Variants in GRM1 observed in about 807,000 individuals in gnomAD.
GRM1 encodes metabotropic glutamate receptor 1.
In GRM1, 33 loss-of-function variants were observed where a neutral mutation model predicts 90.9. That is an observed-to-expected ratio of 0.36 (90% CI 0.28 to 0.49). GRM1 has a LOEUF of 0.49. GRM1 is among the 20% of genes least tolerant of loss of function. The pLI, the probability that GRM1 is intolerant of heterozygous loss-of-function variation, is 0.99. For synonymous variants in GRM1, 700 were observed against 613.2 expected, an observed-to-expected ratio of 1.14 and a Z score of -2.09; for missense variants, 1,190 against 1,534.3, an observed-to-expected ratio of 0.78 and a Z score of 3.75.
chr6:146,177,490 C>T (rs1778377242), intron 2 of GRM1, among the ~76,000 whole-genome samples: 1 of 151,936 alleles, frequency 6.6e-6, no homozygotes, highest in Non-Finnish European at 1.5e-5. Flanking sequence ...TTTTTATACT[C>T]AATGTTCTTA....
intron 1 of GRM1, among the ~76,000 whole-genome samples, chr6:146,135,017 C>T (rs1290501356): frequency 6.6e-6 from 1 of 152,216 alleles, no homozygotes; most frequent in Non-Finnish European, 1.5e-5. Flanking sequence ...CCTCCCTCAA[C>T]ATATGATGAT....
At chr6:146,296,795 TC>T (rs1162959248) in intron 2 of GRM1, among the ~76,000 whole-genome samples, 1 of 152,212 alleles carries the variant, frequency 6.6e-6, no homozygotes, top group Non-Finnish European at 1.5e-5. Flanking sequence ...TCTACCATAG[TC>T]CTTGGACTGA....
intron 2 of GRM1, among the ~76,000 whole-genome samples, chr6:146,187,128 G>T (rs1406541984): frequency 1.3e-5 from 2 of 152,150 alleles, no homozygotes; most frequent in Non-Finnish European, 2.9e-5. Flanking sequence ...TTTGATAAAA[G>T]ATTGGTTGAT....
chr6:146,120,928 G>A (rs1775961736), intron 1 of GRM1, among the ~76,000 whole-genome samples: 1 of 152,150 alleles, frequency 6.6e-6, no homozygotes, highest in African/African-American at 2.4e-5. Context: ...CCAGGCTTTG[G>A]TATCAGTATG....
chr6:146,194,714 A>G (rs188497710), intron 2 of GRM1, among the ~76,000 whole-genome samples: 117 of 152,266 alleles, frequency 7.7e-4, no homozygotes, highest in African/African-American at 2.7e-3. Flanking sequence ...GAAGCCGCAC[A>G]TACCTACACT....
chr6:146,131,495 G>GTA (rs1459315435), intron 1 of GRM1, among the ~76,000 whole-genome samples: 6 of 149,818 alleles, frequency 4.0e-5, no homozygotes, highest in African/African-American at 1.2e-4. Flanking sequence ...ATATGATATG[G>GTA]TATATATATA....
At chr6:146,042,136 C>T (rs1327519375) in intron 1 of GRM1, among the ~76,000 whole-genome samples, 1 of 152,014 alleles carries the variant, frequency 6.6e-6, no homozygotes, top group African/African-American at 2.4e-5. Flanking sequence ...TCAAAAGTCT[C>T]TATCTTTTAA....
chr6:146,111,388 G>A (rs1389298870), intron 1 of GRM1, among the ~76,000 whole-genome samples: 1 of 152,168 alleles, frequency 6.6e-6, no homozygotes, highest in Non-Finnish European at 1.5e-5. Flanking sequence ...TCCCAGGTGT[G>A]CACACCAATG....
At position 146,356,831 on chromosome 6, in the gene GRM1, T is replaced by A. The variant is rs376564445; in HGVS notation, c.1434-695T>A. On this transcript the variant is annotated intron_variant, in intron 4 of 7. Coordinates refer to ENST00000282753, the MANE Select transcript of GRM1 (RefSeq NM_001278064.2). ...TGGTGTGTGGTGTATAACATGATGT[T>A]TTGATATACTGTATGTATATAGTAA... is the stretch of plus-strand genomic sequence containing the variant. 1.0e-3 allele frequency among the ~76,000 whole-genome samples: 153 copies of A among 152,288 alleles called. 3 individuals are homozygous for A. In the South Asian group the frequency reaches 0.015, roughly 15 times the overall value.
intron 2 of GRM1, among the ~76,000 whole-genome samples, chr6:146,299,970 T>A (rs965885359): frequency 6.6e-6 from 1 of 152,222 alleles, no homozygotes; most frequent in Admixed American, 6.5e-5. Flanking sequence ...TTGATAAATG[T>A]CAAATGAATA....
intron 1 of GRM1, among the ~76,000 whole-genome samples, chr6:146,151,729 C>A (rs1003806804): frequency 6.6e-6 from 1 of 152,086 alleles, no homozygotes; most frequent in African/African-American, 2.4e-5. Flanking sequence ...CCATTATTTT[C>A]TCTCCTGAGA....
intron 1 of GRM1, among the ~76,000 whole-genome samples, chr6:146,152,761 CA>C (rs1198028404): frequency 2.0e-5 from 3 of 152,154 alleles, no homozygotes; most frequent in Admixed American, 6.6e-5. Flanking sequence ...AAGGGCAGAG[CA>C]CAGGGAATTT....
chr6:146,305,398 C>T (rs1783540348), intron 3 of GRM1, among the ~76,000 whole-genome samples: 1 of 152,176 alleles, frequency 6.6e-6, no homozygotes, highest in African/African-American at 2.4e-5. Flanking sequence ...TGACAGGAAA[C>T]AGCAGCACAT....
At chr6:146,355,675 C>CA (rs1284224086) in intron 4 of GRM1, among the ~76,000 whole-genome samples, 2 of 151,724 alleles carry the variant, frequency 1.3e-5, no homozygotes, top group South Asian at 4.2e-4. Context: ...AACAAACAAA[C>CA]AAACAAAAAA....
intron 2 of GRM1, among the ~76,000 whole-genome samples, chr6:146,267,702 GCTCGT>G (rs1185232840): frequency 0.051 from 4,394 of 85,772 alleles, 164 homozygotes; most frequent in East Asian, 0.13. Flanking sequence ...GCTCGGCTCG[GCTCGT>G]CTCGTCTCGT....
At chr6:146,401,199 T>A (rs918952345) in intron 7 of GRM1, among the ~76,000 whole-genome samples, 1 of 152,160 alleles carries the variant, frequency 6.6e-6, no homozygotes, top group Admixed American at 6.5e-5. Flanking sequence ...GGATTTCAAG[T>A]AAAGACATCC....
intron 1 of GRM1, among the ~76,000 whole-genome samples, chr6:146,156,375 C>T (rs939928960): frequency 5.3e-5 from 8 of 152,176 alleles, no homozygotes; most frequent in Non-Finnish European, 1.2e-4. Flanking sequence ...CACTGCACTC[C>T]AGCCTGGGCG....
chr6:146,061,189 C>T (rs770295432), intron 1 of GRM1, among the ~76,000 whole-genome samples: 4 of 152,054 alleles, frequency 2.6e-5, no homozygotes, highest in Non-Finnish European at 5.9e-5. Flanking sequence ...ACAATAGTGA[C>T]ATTCAGGATC....
chr6:146,070,810 A>G lies in GRM1; in HGVS notation c.700+40593A>G, dbSNP rs151293914. Reference sequence around the variant, plus strand: ...TCAGGAATCCACTTGAATTATCAGGAAAGACTTCTTAGCTTGGGACTTTAC... The same window carrying G: ...TCAGGAATCCACTTGAATTATCAGGGAAGACTTCTTAGCTTGGGACTTTAC... On this transcript the variant is annotated intron_variant, in intron 1 of 7. Coordinates refer to ENST00000282753, the MANE Select transcript of GRM1 (RefSeq NM_001278064.2). Among the ~76,000 whole-genome samples the G allele has an allele frequency of 3.5e-4, 54 of 152,288 alleles. No individual in the cohort carries two copies. In the East Asian group the frequency reaches 8.5e-3, roughly 24 times the overall value.
Sources: allele counts gnomAD v4.1 joint callset (sites outside exome capture counted in the v4.1 genomes callset), GRCh38; gene constraint gnomAD v4.1.1; transcripts MANE v1.5; gene names NCBI Gene and HGNC (gene_info 2026-07-23, HGNC 2026-07-21).